The following ELK3 variants were observed in gnomAD, a reference collection of about 807,000 sequenced individuals.
ELK3 encodes the protein ETS domain-containing protein Elk-3.
A neutral mutation model predicts 28.9 loss-of-function variants in ELK3; 10 were observed. The observed-to-expected ratio is 0.35, with a 90% CI of 0.21 to 0.59. The LOEUF (loss-of-function observed/expected upper bound fraction) is 0.59, where lower values mean the gene tolerates loss of function less well. Ranked by LOEUF, ELK3 falls within the 20% of genes least tolerant of loss-of-function variation. The probability of loss-of-function intolerance (pLI) is 0.82; values close to 1 mark genes in which losing one functional copy is unlikely to be tolerated. For missense variants in ELK3, 463 were observed against 517.3 expected (o/e 0.90, Z 1.02); for synonymous variants, 272 against 243.5 (o/e 1.12, Z -1.09).
chr12:96,227,803 T>C (rs1951714504), intron 2 of ELK3, among the ~76,000 whole-genome samples: 1 of 152,228 alleles, frequency 6.6e-6, no homozygotes, highest in Non-Finnish European at 1.5e-5. Flanking sequence ...CCGTGTTGCC[T>C]AATCTCTCTG....
intron 2 of ELK3, among the ~76,000 whole-genome samples, chr12:96,236,407 A>G (rs1020244512): frequency 2.6e-5 from 4 of 152,194 alleles, no homozygotes; most frequent in African/African-American, 9.6e-5. Context: ...AGGCTGGCCA[A>G]ATTTGGTGAG....
rs1316463161 is a variant in ELK3, at chr12:96,269,688, A to G, written c.*2508A>G. ...TTAATCAGTGTTAAACTGCTATGGG[A>G]AAAGTTTTATAGAACTATATAACCT... is the stretch of plus-strand genomic sequence containing the variant. On this transcript the variant is annotated 3_prime_UTR_variant, in exon 5 of 5. Coordinates refer to ENST00000228741, the MANE Select transcript of ELK3 (RefSeq NM_005230.4). 1 of 152,240 alleles carries G rather than the reference A, an allele frequency of 6.6e-6. No individual in the cohort carries two copies. The highest frequency in any genetic ancestry group is 1.5e-5 in the Non-Finnish European group (1 of 68,032). The allele number at this position is 152,240 out of a possible 1,614,324, so 9.4% of individuals were successfully genotyped here.
chr12:96,264,079 C>T (rs558123507), intron 4 of ELK3, among the ~76,000 whole-genome samples: 2 of 152,280 alleles, frequency 1.3e-5, no homozygotes, highest in Admixed American at 1.3e-4. Flanking sequence ...TGGGCTCAAG[C>T]GATCCTCCCA....
chr12:96,237,566 CCTT>C (rs1447103468), intron 2 of ELK3, among the ~76,000 whole-genome samples: 1 of 152,242 alleles, frequency 6.6e-6, no homozygotes, highest in African/African-American at 2.4e-5. Context: ...TGGCTTCACT[CCTT>C]CTCCATTCCT....
chr12:96,248,671 G>A (rs1367620643), intron 3 of ELK3, among the ~76,000 whole-genome samples: 1 of 152,120 alleles, frequency 6.6e-6, no homozygotes, highest in East Asian at 1.9e-4. Context: ...ATTGTTAACC[G>A]TGGAGCTGCA....
At chr12:96,266,246 T>C (rs959774621) in intron 4 of ELK3, among the ~76,000 whole-genome samples, 1 of 152,248 alleles carries the variant, frequency 6.6e-6, no homozygotes, top group Admixed American at 6.5e-5. Flanking sequence ...TGTAATTTGA[T>C]ATTTGGCGCT....
intron 1 of ELK3, among the ~76,000 whole-genome samples, chr12:96,210,216 T>C (rs1951566595): frequency 1.3e-5 from 2 of 152,324 alleles, no homozygotes; most frequent in South Asian, 4.1e-4. Context: ...TGTAAGATCC[T>C]AGTAAGTTTC....
intron 1 of ELK3, among the ~76,000 whole-genome samples, chr12:96,200,816 C>T (rs576028842): frequency 6.6e-6 from 1 of 152,332 alleles, no homozygotes; most frequent in African/African-American, 2.4e-5. Context: ...GCATATGCCA[C>T]CATGCCTGGC....
At chr12:96,210,561 G>GCACACACA (rs368183390) in intron 1 of ELK3, among the ~76,000 whole-genome samples, 15,901 of 144,536 alleles carry the variant, frequency 0.11, 905 homozygotes, top group East Asian at 0.19. Flanking sequence ...GCGCGCGGGC[G>GCACACACA]CACGCACACA....
chr12:96,265,702 A>G (rs1408880439), intron 4 of ELK3, among the ~76,000 whole-genome samples: 3 of 152,182 alleles, frequency 2.0e-5, no homozygotes, highest in Non-Finnish European at 4.4e-5. Flanking sequence ...TAAATAAATG[A>G]AAATTTAAAA....
intron 1 of ELK3, among the ~76,000 whole-genome samples, chr12:96,202,509 G>T (rs192259472): frequency 1.4e-5 from 2 of 140,650 alleles, no homozygotes; most frequent in Admixed American, 1.4e-4. Flanking sequence ...GGCCTTCAGA[G>T]CCCTTACCAC....
At chr12:96,200,802 A>G (rs559456206) in intron 1 of ELK3, among the ~76,000 whole-genome samples, 77 of 152,212 alleles carry the variant, frequency 5.1e-4, no homozygotes, top group Non-Finnish European at 7.9e-4. Flanking sequence ...AGCTGGTATC[A>G]TAGGCATATG....
rs199706864 is a variant in ELK3 at position 96,210,559 on chromosome 12, G to GCACACACA, written c.-2-13005_-2-13004insACACACAC. On this transcript the variant is annotated intron_variant, in intron 1 of 4. Coordinates refer to ENST00000228741, the MANE Select transcript of ELK3 (RefSeq NM_005230.4). Reference sequence around the variant, plus strand: ...TCCTGTTCCACCGCCCTGCGCGCGGGCGCACGCACACACACACACACACAC... The same window carrying GCACACACA: ...TCCTGTTCCACCGCCCTGCGCGCGGGCACACACACGCACGCACACACACACACACACAC... Among the ~76,000 whole-genome samples, 960 of 143,122 alleles carry GCACACACA rather than the reference G, an allele frequency of 6.7e-3. 1 individual carries two copies. The highest frequency in any genetic ancestry group is 8.6e-3 in the Non-Finnish European group (552 of 63,858). 93.9% of individuals were successfully genotyped at this position (143,122 alleles called of 152,430 possible).
chr12:96,249,135 A>G (rs1427967945), intron 3 of ELK3, among the ~76,000 whole-genome samples: 1 of 152,216 alleles, frequency 6.6e-6, no homozygotes, highest in African/African-American at 2.4e-5. Flanking sequence ...GAGGTAAAGT[A>G]GTTCGTCCAG....
At chr12:96,214,594 A>G (rs1194280447) in intron 1 of ELK3, among the ~76,000 whole-genome samples, 1 of 152,216 alleles carries the variant, frequency 6.6e-6, no homozygotes, top group East Asian at 1.9e-4. Context: ...ATAAATGAAA[A>G]GCTTGGGAGA....
chr12:96,243,770 G>C (rs1345093798), intron 2 of ELK3, among the ~76,000 whole-genome samples: 1 of 150,392 alleles, frequency 6.6e-6, no homozygotes, highest in Non-Finnish European at 1.5e-5. Context: ...GTGAATCAGG[G>C]AGGCGGAGCT....
chr12:96,218,289 G>T lies in ELK3; in HGVS notation c.-2-5276G>T, dbSNP rs939468063. On this transcript the variant is annotated intron_variant, in intron 1 of 4. Coordinates refer to ENST00000228741, the MANE Select transcript of ELK3 (RefSeq NM_005230.4). ...GAATCCAGAAAGTATCAGATGTGAA[G>T]GGGGCACCTCTTCCTGTAAGAGCAG... is the stretch of plus-strand genomic sequence containing the variant. Among the ~76,000 whole-genome samples the T allele has an allele frequency of 2.0e-5, 3 of 152,288 alleles. No individual in the cohort carries two copies. The East Asian group carries it at 5.8e-4, about 29-fold the overall frequency.
rs906029027 is a variant in ELK3, at chr12:96,223,903, T to C, written c.207+130T>C. ...AATAAAATAGGGGCAGTGCATACCT[T>C]CTTTTTGGAGAAAAGCTGTGCTGTA... On this transcript the variant is annotated intron_variant, in intron 2 of 4. Transcript: ENST00000228741. 2.2e-5 allele frequency: 20 copies of C among 917,714 alleles called. No individual in the cohort carries two copies. In the African/African-American group the frequency reaches 3.0e-4, roughly 14 times the overall value. The allele number at this position is 917,714 out of a possible 1,614,324, so 56.8% of individuals were successfully genotyped here.
At chr12:96,240,655 CA>C (rs986025571) in intron 2 of ELK3, among the ~76,000 whole-genome samples, 16 of 152,196 alleles carry the variant, frequency 1.1e-4, no homozygotes, top group Admixed American at 1.0e-3. Context: ...AAGTCTTCAG[CA>C]CAACCGATCC....
Sources: gnomAD v4.1 joint callset for allele counts (sites outside exome capture counted in the v4.1 genomes callset) on GRCh38, gnomAD v4.1.1 for gene constraint, MANE v1.5 for transcripts, NCBI Gene and HGNC (gene_info 2026-07-23, HGNC 2026-07-21) for gene names.